The following HPSE2 variants were observed in gnomAD, a reference collection of about 807,000 sequenced individuals.
HPSE2 encodes the protein heparanase 2 (inactive), also known as inactive heparanase-2.
In HPSE2, 38 loss-of-function variants were observed where a neutral mutation model predicts 60.5. The observed-to-expected ratio is 0.63, with a 90% CI of 0.48 to 0.82. HPSE2 has a LOEUF of 0.82. HPSE2 is among the 40% of genes least tolerant of loss of function. The probability of loss-of-function intolerance (pLI) is 0.00; values close to 1 mark genes in which losing one functional copy is unlikely to be tolerated. For missense variants in HPSE2, 713 were observed against 740.4 expected, an observed-to-expected ratio of 0.96 and a Z score of 0.43; for synonymous variants, 295 against 293.2, an observed-to-expected ratio of 1.01 and a Z score of -0.06.
At chr10:99,284,099 CTTATGAACATAGATGTTAATAA>C in the HPSE2 span, among the ~76,000 whole-genome samples, 1 of 152,124 alleles carries the variant, frequency 6.6e-6, no homozygotes, top group African/African-American at 2.4e-5. Flanking sequence ...ACCAATATCC[CTTATGAACATAGATGTTAATAA>C]TCCTCAACAA....
chr10:98,502,854 G>T (rs1029089203), intron 9 of HPSE2, among the ~76,000 whole-genome samples: 1 of 152,062 alleles, frequency 6.6e-6, no homozygotes, highest in Non-Finnish European at 1.5e-5. Flanking sequence ...TCAAAAAGTG[G>T]GCTAAGGACA....
At chr10:98,619,151 G>A (rs1946003288) in intron 8 of HPSE2, among the ~76,000 whole-genome samples, 2 of 152,066 alleles carry the variant, frequency 1.3e-5, no homozygotes, top group African/African-American at 4.8e-5. Flanking sequence ...CTATGCAGGG[G>A]AATGGAAGCT....
chr10:98,828,623 G>T (rs902203948), intron 3 of HPSE2, among the ~76,000 whole-genome samples: 2 of 152,132 alleles, frequency 1.3e-5, no homozygotes, highest in African/African-American at 2.4e-5. Context: ...TAATCATTCA[G>T]GAAATGCAAA....
chr10:98,692,755 C>T (rs1489522583), intron 6 of HPSE2, among the ~76,000 whole-genome samples: 3 of 148,842 alleles, frequency 2.0e-5, no homozygotes, highest in Admixed American at 6.8e-5. Context: ...GGCGACAGAG[C>T]GAGACTCTGT....
At chr10:98,802,151 A>T (rs983275281) in intron 3 of HPSE2, among the ~76,000 whole-genome samples, 4 of 152,234 alleles carry the variant, frequency 2.6e-5, no homozygotes, top group Non-Finnish European at 5.9e-5. Flanking sequence ...ATAAAACTAG[A>T]TTCCTATCTC....
chr10:99,172,008 G>T (rs946050381), intron 2 of HPSE2, among the ~76,000 whole-genome samples: 1 of 152,082 alleles, frequency 6.6e-6, no homozygotes, highest in African/African-American at 2.4e-5. Context: ...TTAAAATAAA[G>T]ATTTAGGTAT....
intron 6 of HPSE2, among the ~76,000 whole-genome samples, chr10:98,672,883 G>A (rs1414958): frequency 0.5 from 75,681 of 151,968 alleles, 21,128 homozygotes; most frequent in South Asian, 0.74. Flanking sequence ...ATGATAACTC[G>A]TATTGAGATC....
At chr10:98,644,341 C>G (rs1034355263) in intron 6 of HPSE2, among the ~76,000 whole-genome samples, 3 of 152,162 alleles carry the variant, frequency 2.0e-5, no homozygotes, top group African/African-American at 4.8e-5. Context: ...GAAACTTACA[C>G]TGAAAGGCCA....
Position 98,929,074 on chromosome 10 carries a change from T to C in HPSE2, c.611-185018A>G, listed in dbSNP as rs550798375. Among the ~76,000 whole-genome samples the C allele has an allele frequency of 2.8e-5, 4 of 143,870 alleles. 1 individual carries two copies. The highest frequency in any genetic ancestry group is 6.0e-5 in the Non-Finnish European group (4 of 67,132). 94.4% of individuals were successfully genotyped at this position (143,870 alleles called of 152,430 possible). On this transcript the variant is annotated intron_variant, in intron 3 of 11. Transcript: ENST00000370552. ...AAACAAACAAACAAGCTTAAGCTTT[T>C]ATTTATCCATTTACCACCAAATGCC...
rs544531433 is a variant in HPSE2 at position 98,799,919 on chromosome 10, G to T, written c.611-55863C>A. Among the ~76,000 whole-genome samples the T allele has an allele frequency of 4.4e-3, 671 of 151,700 alleles. 4 individuals carry two copies. The highest frequency in any genetic ancestry group is 0.015 in the African/African-American group (638 of 41,350). On this transcript the variant is annotated intron_variant, in intron 3 of 11. Coordinates refer to ENST00000370552, the MANE Select transcript of HPSE2 (RefSeq NM_021828.5). ...TGAACTCAAAATTAGTAGAAGAAAA[G>T]AAATAATAAAGATCAGAGCAGAAAT...
chr10:98,490,105 C>T lies in HPSE2; in HGVS notation c.1412G>A (p.Gly471Asp). The change falls in exon 10 of 12, where the codon GGC becomes GAC. Residue 471 changes from glycine (G) to aspartate (D), a missense_variant. Gly to Asp is a moderately conservative substitution (Grantham distance 94). Coordinates refer to ENST00000370552, the MANE Select transcript of HPSE2 (RefSeq NM_021828.5). ...CCTTAGTTTGTCCCGGATCACTCGG[C>T]CAGGCCGTGGCTTCCGCTGGAGCCC... ...VAGLQRKPRP[G>D]RVIRDKLRIY... 1 of 1,614,220 alleles carries T rather than the reference C, an allele frequency of 6.2e-7. No individual in the cohort carries two copies. Among genetic ancestry groups the T allele is most frequent in the Middle Eastern group, 1.6e-4 (1 of 6,062 alleles).
chr10:99,123,465 TA>T (rs1210800006), intron 3 of HPSE2, among the ~76,000 whole-genome samples: 2 of 152,142 alleles, frequency 1.3e-5, no homozygotes, highest in Non-Finnish European at 2.9e-5. Context: ...TAAAAAAGAT[TA>T]AAAACAGCAC....
chr10:99,229,663 T>C (rs1849583703), intron 2 of HPSE2, among the ~76,000 whole-genome samples: 1 of 152,212 alleles, frequency 6.6e-6, no homozygotes, highest in Non-Finnish European at 1.5e-5. Flanking sequence ...AGTGCAACCT[T>C]CCTAAGTCCA....
intron 3 of HPSE2, among the ~76,000 whole-genome samples, chr10:98,960,740 A>ATTTTTTTT (rs63389761): frequency 1.0e-5 from 1 of 95,916 alleles, no homozygotes; most frequent in Non-Finnish European, 1.9e-5. Context: ...TTTTTATTTT[A>ATTTTTTTT]TTTTTTTTTT....
At chr10:99,007,128 G>A (rs1449189413) in intron 3 of HPSE2, among the ~76,000 whole-genome samples, 1 of 152,200 alleles carries the variant, frequency 6.6e-6, no homozygotes, top group African/African-American at 2.4e-5. Flanking sequence ...GCACTGTGGG[G>A]ATCAACCTGG....
chr10:98,773,478 C>G (rs1336508), intron 3 of HPSE2, among the ~76,000 whole-genome samples: 105,427 of 152,134 alleles, frequency 0.69, 37,641 homozygotes, highest in Non-Finnish European at 0.8. Context: ...GCTGTAAACT[C>G]CAATCTGCAT....
At chr10:98,670,728 A>G (rs1471306026) in intron 6 of HPSE2, among the ~76,000 whole-genome samples, 1 of 152,242 alleles carries the variant, frequency 6.6e-6, no homozygotes. Context: ...GACATTGTAT[A>G]GAAGAACATT....
intron 5 of HPSE2, among the ~76,000 whole-genome samples, chr10:98,705,092 A>T (rs1159046953): frequency 6.6e-6 from 1 of 152,230 alleles, no homozygotes; most frequent in African/African-American, 2.4e-5. Context: ...AAACTGGGCA[A>T]AGGATATGAA....
At chr10:99,257,982 A>C in the HPSE2 span, among the ~76,000 whole-genome samples, 1 of 151,998 alleles carries the variant, frequency 6.6e-6, no homozygotes, top group Non-Finnish European at 1.5e-5. Context: ...CTCTACTAAA[A>C]ATACAAAAAT....
Sources: allele counts gnomAD v4.1 joint callset (sites outside exome capture counted in the v4.1 genomes callset), GRCh38; gene constraint gnomAD v4.1.1; transcripts MANE v1.5; gene names NCBI Gene and HGNC (gene_info 2026-07-23, HGNC 2026-07-21).